The following UGT1A10 variants were observed in gnomAD, a reference collection of about 807,000 sequenced individuals.
UGT1A10 encodes UDP glucuronosyltransferase family 1 member A10.
UGT1A10 carries 49 observed loss-of-function variants against 45.8 expected under a neutral mutation model. The observed-to-expected ratio is 1.07, with a 90% confidence interval of 0.85 to 1.36. The LOEUF is 1.36. UGT1A10 is among the 40% of genes most tolerant of loss of function. The pLI, the probability that UGT1A10 is intolerant of heterozygous loss-of-function variation, is 0.00. For synonymous variants in UGT1A10, 284 were observed against 249.7 expected, an observed-to-expected ratio of 1.14 and a Z score of -1.29; for missense variants, 745 against 668.6, an observed-to-expected ratio of 1.11 and a Z score of -1.26.
chr2:233,666,751 A>G (rs1300036353), intron 1 of UGT1A10, among the ~76,000 whole-genome samples: 1 of 151,610 alleles, frequency 6.6e-6, no homozygotes, highest in Admixed American at 6.6e-5. Flanking sequence ...TGCACCCATT[A>G]ACTCGTCATT....
intron 1 of UGT1A10, among the ~76,000 whole-genome samples, chr2:233,666,731 G>A (rs1172335900): frequency 6.6e-6 from 1 of 151,810 alleles, no homozygotes; most frequent in African/African-American, 2.4e-5. Flanking sequence ...CATGTGCCAT[G>A]TTGGTGTGCT....
chr2:233,702,967 T>A (rs28899180), intron 1 of UGT1A10, among the ~76,000 whole-genome samples: 1,929 of 152,294 alleles, frequency 0.013, 44 homozygotes, highest in African/African-American at 0.043. Flanking sequence ...ACTGGCCTTG[T>A]AGAAGAAACT....
At chr2:233,690,890 A>T in intron 1 of UGT1A10, 16 of 1,058,460 alleles carry the variant, frequency 1.5e-5, no homozygotes, top group Non-Finnish European at 1.8e-5. Context: ...AATTCAAGGG[A>T]TGGTATGCAT....
rs1252336787 is a variant in UGT1A10 at position 233,637,333 on chromosome 2, T to A, written c.811T>A (p.Phe271Ile). The stretch of plus-strand genomic sequence containing the variant: ...CAAACCCGTGATGCCCAACATGATC[T>A]TCATTGGTGGTATCAACTGTCATCA... Reference protein sequence around the residue: ...YPKPVMPNMIFIGGINCHQGK... With the variant: ...YPKPVMPNMIIIGGINCHQGK... The change falls in exon 1 of 5, where the codon TTC becomes ATC. Residue 271 changes from phenylalanine to isoleucine, a missense_variant. Physicochemically the swap from Phe to Ile is conservative, Grantham distance 21 (BLOSUM62 0). Transcript: ENST00000344644. The A allele has an allele frequency of 1.2e-6, 2 of 1,613,952 alleles. No homozygotes were observed. Among genetic ancestry groups the A allele is most frequent in the Non-Finnish European group, 1.7e-6 (2 of 1,179,858 alleles).
intron 1 of UGT1A10, among the ~76,000 whole-genome samples, chr2:233,641,595 C>T (rs948213504): frequency 2.6e-5 from 4 of 152,168 alleles, no homozygotes; most frequent in Non-Finnish European, 4.4e-5. Context: ...CTTACTATTA[C>T]CAGTGAGTTT....
rs367606596 is a variant in UGT1A10 at position 233,687,017 on chromosome 2, A to C, written c.855+49640A>C. Among the ~76,000 whole-genome samples, 81 of 152,288 alleles carry C rather than the reference A, an allele frequency of 5.3e-4. 1 individual carries two copies. In the East Asian group the frequency reaches 7.7e-3, roughly 15 times the overall value. Reference sequence around the variant, plus strand: ...GGTTTCAACACTAGAGGACTTTAGGAGGTGGTTCAATGTAGTGTTTGAGCA... The same window carrying C: ...GGTTTCAACACTAGAGGACTTTAGGCGGTGGTTCAATGTAGTGTTTGAGCA... On this transcript the variant is annotated intron_variant, in intron 1 of 4. Transcript: ENST00000344644.
At chr2:233,707,542 T>A (rs2075970196) in intron 1 of UGT1A10, among the ~76,000 whole-genome samples, 1 of 151,954 alleles carries the variant, frequency 6.6e-6, no homozygotes, top group Admixed American at 6.6e-5. Flanking sequence ...TCTTGCCTTT[T>A]TTTTTTTTTT....
chr2:233,692,675 G>C (rs932907325), intron 1 of UGT1A10, among the ~76,000 whole-genome samples: 1 of 152,174 alleles, frequency 6.6e-6, no homozygotes, highest in African/African-American at 2.4e-5. Context: ...TAGAGAATTG[G>C]CAGGGGGTCC....
At chr2:233,672,381 T>A in intron 1 of UGT1A10, 1 of 1,614,168 alleles carries the variant, frequency 6.2e-7, no homozygotes, top group Non-Finnish European at 8.5e-7. Context: ...TTCTCGATCC[T>A]TTTGATAACT....
chr2:233,747,906 G>C, intron 1 of UGT1A10: 1 of 1,613,472 alleles, frequency 6.2e-7, no homozygotes, highest in Non-Finnish European at 8.5e-7. Context: ...TGCTCCTTAT[G>C]CAAGCCTTGC....
In UGT1A10 at chr2:233,701,509, A is replaced by G. The variant is rs371622250; in HGVS notation, c.855+64132A>G. The stretch of plus-strand genomic sequence containing the variant: ...CCAAGCGGACCTAATAGACATCTAC[A>G]GAACTCTCCACCCCAAATCAACAGA... On this transcript the variant is annotated intron_variant, in intron 1 of 4. Transcript: ENST00000344644. 2.7e-3 allele frequency among the ~76,000 whole-genome samples: 411 copies of G among 152,304 alleles called. 2 individuals are homozygous for G. The highest frequency in any genetic ancestry group is 0.027 in the South Asian group (129 of 4,822).
At chr2:233,665,679 C>G (rs1217410888) in intron 1 of UGT1A10, among the ~76,000 whole-genome samples, 1 of 152,168 alleles carries the variant, frequency 6.6e-6, no homozygotes, top group African/African-American at 2.4e-5. Context: ...TTGGCTGACC[C>G]AGGGAGGTGC....
intron 1 of UGT1A10, among the ~76,000 whole-genome samples, chr2:233,735,045 C>G (rs2078601106): frequency 6.6e-6 from 1 of 152,170 alleles, no homozygotes; most frequent in Non-Finnish European, 1.5e-5. Flanking sequence ...TGGTGCAGAG[C>G]TGAGTTCAGG....
chr2:233,691,040 C>T, intron 1 of UGT1A10: 1 of 989,328 alleles, frequency 1.0e-6, no homozygotes, highest in Non-Finnish European at 1.2e-6. Flanking sequence ...GACCAACGTC[C>T]ACAGCAGAGT....
intron 1 of UGT1A10, chr2:233,747,623 G>A: frequency 6.3e-7 from 1 of 1,577,752 alleles, no homozygotes; most frequent in Non-Finnish European, 8.7e-7. Flanking sequence ...ATGAGGCCCT[G>A]ATCAGGCACC....
At chr2:233,731,885 AT>A (rs2078216460) in intron 1 of UGT1A10, among the ~76,000 whole-genome samples, 2 of 152,268 alleles carry the variant, frequency 1.3e-5, no homozygotes, top group South Asian at 2.1e-4. Context: ...GGTTGAACTA[AT>A]TTACACTCCC....
At chr2:233,762,916 A>C (rs1698195607) in intron 1 of UGT1A10, among the ~76,000 whole-genome samples, 2 of 152,252 alleles carry the variant, frequency 1.3e-5, no homozygotes, top group African/African-American at 4.8e-5. Flanking sequence ...TATTGAATTT[A>C]TTAGAATCTC....
intron 1 of UGT1A10, among the ~76,000 whole-genome samples, chr2:233,662,512 C>T (rs1291902666): frequency 6.6e-6 from 1 of 152,130 alleles, no homozygotes; most frequent in Admixed American, 6.6e-5. Flanking sequence ...GCTAAACTTA[C>T]TTATTTGTTC....
At chr2:233,739,831 CAT>C (rs1185061453) in intron 1 of UGT1A10, among the ~76,000 whole-genome samples, 1 of 151,958 alleles carries the variant, frequency 6.6e-6, no homozygotes, top group Non-Finnish European at 1.5e-5. Context: ...TGTGAAAAGA[CAT>C]GAGATTTGGG....
Sources: allele counts gnomAD v4.1 joint callset (sites outside exome capture counted in the v4.1 genomes callset), GRCh38; gene constraint gnomAD v4.1.1; transcripts MANE v1.5; gene names NCBI Gene and HGNC (gene_info 2026-07-23, HGNC 2026-07-21).